The following ASH1L variants were observed in gnomAD, a reference collection of about 807,000 sequenced individuals.
ASH1L encodes ASH1 like histone lysine methyltransferase.
Under a neutral mutation model 269.0 loss-of-function variants are expected in ASH1L, and 23 were observed. That is an observed-to-expected ratio of 0.09 (90% CI 0.06 to 0.12). ASH1L has a LOEUF of 0.12. ASH1L is among the 10% of genes least tolerant of loss of function. The probability of loss-of-function intolerance (pLI) is 1.00; values close to 1 mark genes in which losing one functional copy is unlikely to be tolerated. For missense variants in ASH1L, 2,912 were observed against 3,567.8 expected, an observed-to-expected ratio of 0.82 and a Z score of 4.68; for synonymous variants, 1,187 against 1,253.5, an observed-to-expected ratio of 0.95 and a Z score of 1.12.
At chr1:155,430,168 G>A (rs991298163) in intron 5 of ASH1L, among the ~76,000 whole-genome samples, 2 of 152,030 alleles carry the variant, frequency 1.3e-5, no homozygotes, top group Non-Finnish European at 2.9e-5. Context: ...TAGAGATGGA[G>A]TTTCCCTATG....
intron 4 of ASH1L, 83 bp downstream of exon 4, chr1:155,459,714 T>A (rs1368852937): frequency 9.0e-7 from 1 of 1,115,190 alleles, no homozygotes; most frequent in African/African-American, 1.5e-5. Flanking sequence ...CCCCATTATT[T>A]TTTCTACAAT....
chr1:155,410,226 A>G (rs1249197133), intron 6 of ASH1L, among the ~76,000 whole-genome samples: 4 of 152,120 alleles, frequency 2.6e-5, no homozygotes, highest in African/African-American at 4.8e-5. Flanking sequence ...CCCTGGACTC[A>G]AGTGATCTGC....
chr1:155,353,008 G>GA (rs1654065895), intron 16 of ASH1L, 150 bp from the exon 17 acceptor site: 1 of 688,630 alleles, frequency 1.5e-6, no homozygotes, highest in Admixed American at 3.6e-5. Flanking sequence ...CTTCTGTAAT[G>GA]AAAAATCAGG....
intron 6 of ASH1L, among the ~76,000 whole-genome samples, chr1:155,397,132 G>GA (rs1286164962): frequency 0.05 from 3,729 of 74,290 alleles, 124 homozygotes; most frequent in African/African-American, 0.14. Flanking sequence ...GTCAAAAAAA[G>GA]AAAAAAAAAA....
chr1:155,420,470 A>T (rs1041191429), intron 5 of ASH1L, among the ~76,000 whole-genome samples: 4 of 151,632 alleles, frequency 2.6e-5, no homozygotes, highest in Admixed American at 6.6e-5. Flanking sequence ...ATGTATAAAT[A>T]TAATAAAGTA....
chr1:155,550,563 G>A (rs1671127999), intron 1 of ASH1L, among the ~76,000 whole-genome samples: 1 of 152,014 alleles, frequency 6.6e-6, no homozygotes, highest in Non-Finnish European at 1.5e-5. Flanking sequence ...CTGTCTCAGG[G>A]CTTATGCTCA....
In ASH1L at chr1:155,338,403, T is replaced by C. The variant is rs1268214259; in HGVS notation, c.8502-13A>G. On this transcript the variant is annotated splice_polypyrimidine_tract_variant and intron_variant, in intron 26 of 27. Coordinates refer to ENST00000392403, the MANE Select transcript of ASH1L (RefSeq NM_018489.3). ...CTTCCAGGATGATCTGCCAGAAGGA[T>C]ATCTGAATTTAGTGTAAGACACTTG... 1.2e-6 allele frequency: 2 copies of C among 1,606,762 alleles called. No homozygotes were observed. Among genetic ancestry groups the C allele is most frequent in the Non-Finnish European group, 1.7e-6 (2 of 1,175,472 alleles).
chr1:155,368,015 T>G (rs183203830), intron 12 of ASH1L, among the ~76,000 whole-genome samples: 58 of 152,308 alleles, frequency 3.8e-4, no homozygotes, highest in Middle Eastern at 3.4e-3. Flanking sequence ...CGTCTTCATT[T>G]TTTTAAATAG....
At chr1:155,525,539 CAA>C (rs747113017) in intron 1 of ASH1L, among the ~76,000 whole-genome samples, 17 of 87,548 alleles carry the variant, frequency 1.9e-4, no homozygotes, top group Non-Finnish European at 1.7e-4. Context: ...TTCTAAAAGC[CAA>C]AAAAAAAAAA....
At chr1:155,523,740 A>C (rs1405588016) in intron 1 of ASH1L, among the ~76,000 whole-genome samples, 1 of 152,108 alleles carries the variant, frequency 6.6e-6, no homozygotes, top group Non-Finnish European at 1.5e-5. Flanking sequence ...GTGTGGTGGC[A>C]GGTGCCTGTA....
At chr1:155,496,903 C>T (rs879764965) in intron 2 of ASH1L, among the ~76,000 whole-genome samples, 3 of 152,086 alleles carry the variant, frequency 2.0e-5, no homozygotes, top group Non-Finnish European at 4.4e-5. Context: ...GTCACAACCT[C>T]CCAAAGTGCT....
At chr1:155,559,309 C>A (rs1157067234) in intron 1 of ASH1L, among the ~76,000 whole-genome samples, 1 of 152,016 alleles carries the variant, frequency 6.6e-6, no homozygotes, top group African/African-American at 2.4e-5. Context: ...GAGGCCGAGG[C>A]GGGTGGATCA....
At chr1:155,441,454 C>CA (rs1250429232) in intron 4 of ASH1L, among the ~76,000 whole-genome samples, 9 of 73,538 alleles carry the variant, frequency 1.2e-4, no homozygotes, top group Non-Finnish European at 2.2e-4. Context: ...ATAAAGAATC[C>CA]TTTTTTTTTT....
chr1:155,336,105 G>A lies in ASH1L; in HGVS notation c.*1555C>T, dbSNP rs544836032. The A allele has an allele frequency of 9.9e-5, 15 of 152,248 alleles. No individual in the cohort carries two copies. Among genetic ancestry groups the A allele is most frequent in the African/African-American group, 3.6e-4 (15 of 41,306 alleles). The allele number at this position is 152,248 out of a possible 1,614,324, so 9.4% of individuals were successfully genotyped here. ...TTATTTTGCTTTTTCTCTGCTCAAG[G>A]GGATCATTGGCATCCCCTCTCTCTT... On this transcript the variant is annotated 3_prime_UTR_variant, in exon 28 of 28. Transcript: ENST00000392403.
intron 6 of ASH1L, among the ~76,000 whole-genome samples, chr1:155,413,965 G>A (rs1374654351): frequency 6.6e-6 from 1 of 152,122 alleles, no homozygotes; most frequent in Admixed American, 6.6e-5. Context: ...TAAGAAGCAC[G>A]TTCAGAGTAT....
At chr1:155,368,457 TTTC>T (rs1571016970) in intron 12 of ASH1L, among the ~76,000 whole-genome samples, 2 of 152,162 alleles carry the variant, frequency 1.3e-5, no homozygotes, top group South Asian at 2.1e-4. Context: ...TTTCTTTTTC[TTTC>T]TTCTTTTTTT....
At chr1:155,441,853 C>A (rs921362840) in intron 4 of ASH1L, among the ~76,000 whole-genome samples, 1 of 151,210 alleles carries the variant, frequency 6.6e-6, no homozygotes, top group African/African-American at 2.4e-5. Context: ...GCAACCGCCA[C>A]CTCCCAGGCT....
At chr1:155,371,339 G>A (rs1655924260) in intron 10 of ASH1L, among the ~76,000 whole-genome samples, 1 of 152,042 alleles carries the variant, frequency 6.6e-6, no homozygotes, top group Non-Finnish European at 1.5e-5. Flanking sequence ...CCTGAGGTCA[G>A]GAGTTCAAGA....
intron 1 of ASH1L, among the ~76,000 whole-genome samples, chr1:155,540,684 G>T (rs987746036): frequency 6.6e-6 from 1 of 152,038 alleles, no homozygotes; most frequent in Non-Finnish European, 1.5e-5. Context: ...TGGGAGGATC[G>T]CTTGAGCCTG....
Sources: allele counts gnomAD v4.1 joint callset (sites outside exome capture counted in the v4.1 genomes callset), GRCh38; gene constraint gnomAD v4.1.1; transcripts MANE v1.5; gene names NCBI Gene and HGNC (gene_info 2026-07-23, HGNC 2026-07-21).